Variants in PDIA3 observed in about 807,000 individuals in gnomAD.
The protein encoded by PDIA3 is protein disulfide-isomerase A3.
Under a neutral mutation model 56.9 loss-of-function variants are expected in PDIA3, and 16 were observed. The observed-to-expected ratio is 0.28, with a 90% CI of 0.19 to 0.43. The LOEUF is 0.43. Among genes scored for constraint, PDIA3 ranks in the 20% least tolerant of loss-of-function variants. The pLI is 1.00. For synonymous variants in PDIA3, 192 were observed against 216.5 expected (o/e 0.89, Z 0.99); for missense variants, 485 against 621.3 (o/e 0.78, Z 2.33).
chr15:43,749,657 G>A (rs931716265), intron 1 of PDIA3, among the ~76,000 whole-genome samples: 1 of 152,090 alleles, frequency 6.6e-6, no homozygotes, highest in Admixed American at 6.6e-5. Context: ...GCTGGACGTG[G>A]TGGCGCACAT....
At chr15:43,748,756 TG>T (rs915128468) in intron 1 of PDIA3, among the ~76,000 whole-genome samples, 11 of 145,874 alleles carry the variant, frequency 7.5e-5, no homozygotes, top group African/African-American at 2.6e-4. Context: ...ACATTTTTTT[TG>T]TGTGTGTGTT....
chr15:43,746,885 T>C (rs1596016082), intron 1 of PDIA3, 179 bp downstream of exon 1: 1 of 680,340 alleles, frequency 1.5e-6, no homozygotes, highest in East Asian at 2.8e-5. Flanking sequence ...GGGGAGTCGG[T>C]GCTGATCGGC....
chr15:43,770,495 T>G, intron 11 of PDIA3, 28 bp from the exon 12 acceptor site: 1 of 1,581,390 alleles, frequency 6.3e-7, no homozygotes, highest in Non-Finnish European at 8.7e-7. Flanking sequence ...CATAACTGCT[T>G]GAAATTAATA....
At chr15:43,768,997 C>T (rs2086865451) in intron 9 of PDIA3, among the ~76,000 whole-genome samples, 1 of 151,006 alleles carries the variant, frequency 6.6e-6, no homozygotes, top group Admixed American at 6.6e-5. Flanking sequence ...GCACTCCAGC[C>T]TGGGCGACAA....
chr15:43,768,777 A>G (rs569887694), intron 9 of PDIA3, among the ~76,000 whole-genome samples, 180 bp downstream of exon 9: 7 of 151,992 alleles, frequency 4.6e-5, no homozygotes, highest in African/African-American at 1.7e-4. Context: ...TAATCCCAGC[A>G]CTTTGGGAGG....
intron 8 of PDIA3, among the ~76,000 whole-genome samples, chr15:43,767,531 A>AC (rs534044239): frequency 1.3e-5 from 2 of 151,976 alleles, no homozygotes; most frequent in South Asian, 4.1e-4. Context: ...TAATCCCAGC[A>AC]CTTTGGGAGG....
chr15:43,768,752 G>A (rs1332004908), intron 9 of PDIA3, among the ~76,000 whole-genome samples, 155 bp downstream of exon 9: 2 of 151,598 alleles, frequency 1.3e-5, no homozygotes, highest in African/African-American at 2.4e-5. Flanking sequence ...CAGGCCAAGC[G>A]GTGGCTCATG....
At position 43,771,253 on chromosome 15, in the gene PDIA3, T is replaced by G; in HGVS notation, c.*35T>G. 3 of 1,366,808 alleles carry G rather than the reference T, an allele frequency of 2.2e-6. No homozygotes were observed. Among genetic ancestry groups the G allele is most frequent in the Non-Finnish European group, 3.1e-6 (3 of 962,540 alleles). 84.7% of individuals were successfully genotyped at this position (1,366,808 alleles called of 1,614,324 possible). A position where few individuals can be genotyped will look rare whatever the true frequency, so the allele number is the denominator to read the frequency against. On this transcript the variant is annotated 3_prime_UTR_variant, in exon 13 of 13. Coordinates refer to ENST00000300289, the MANE Select transcript of PDIA3 (RefSeq NM_005313.5). ...CAAACACCACTTTGTAAAAGGACTCTTCCATCAGAGATGGGAAAACCATTG... is the reference window on the plus strand; with the variant it reads ...CAAACACCACTTTGTAAAAGGACTCGTCCATCAGAGATGGGAAAACCATTG...
At chr15:43,754,561 A>T (rs2086765194) in intron 2 of PDIA3, among the ~76,000 whole-genome samples, 1 of 151,936 alleles carries the variant, frequency 6.6e-6, no homozygotes, top group South Asian at 2.1e-4. Context: ...CCTCATCTCT[A>T]CAAAAAATTT....
chr15:43,758,037 G>A (rs930162507), intron 3 of PDIA3, among the ~76,000 whole-genome samples: 2 of 151,702 alleles, frequency 1.3e-5, no homozygotes, highest in Non-Finnish European at 2.9e-5. Context: ...TCGGGAGTTC[G>A]AGACCAGCCT....
chr15:43,761,315 A>G, intron 3 of PDIA3, 109 bp from the exon 4 acceptor site: 1 of 532,432 alleles, frequency 1.9e-6, no homozygotes, highest in East Asian at 3.1e-5. Context: ...TGGCAAGAAG[A>G]TTTCATCTTA....
At chr15:43,752,794 A>G (rs779032734) in intron 1 of PDIA3, 2 of 471,064 alleles carry the variant, frequency 4.2e-6, no homozygotes, top group South Asian at 1.5e-5. Flanking sequence ...TTTGCTGTCT[A>G]CGGGAAGGTT....
At chr15:43,767,292 C>A (rs1023366443) in intron 8 of PDIA3, among the ~76,000 whole-genome samples, 4 of 152,040 alleles carry the variant, frequency 2.6e-5, no homozygotes, top group Non-Finnish European at 5.9e-5. Context: ...GCGGAGGTTG[C>A]GGTGAACCAG....
Position 43,771,282 on chromosome 15 carries a change from A to C in PDIA3, c.*64A>C. 4 of 986,772 alleles carry C rather than the reference A, an allele frequency of 4.1e-6. No homozygotes were observed. Among genetic ancestry groups the C allele is most frequent in the Non-Finnish European group, 6.3e-6 (4 of 630,886 alleles). 61.1% of individuals were successfully genotyped at this position (986,772 alleles called of 1,614,324 possible). ...ATCAGAGATGGGAAAACCATTGGGG[A>C]GGACTAGGACCCATATGGGAATTAT... On this transcript the variant is annotated 3_prime_UTR_variant, in exon 13 of 13. Coordinates refer to ENST00000300289, the MANE Select transcript of PDIA3 (RefSeq NM_005313.5).
At chr15:43,768,273 C>T (rs946143255) in intron 8 of PDIA3, among the ~76,000 whole-genome samples, 1 of 152,184 alleles carries the variant, frequency 6.6e-6, no homozygotes, top group South Asian at 2.1e-4. Context: ...ACCAATGATT[C>T]TCCTTTCTCT....
chr15:43,765,714 A>T (rs1161312530), intron 6 of PDIA3, 148 bp downstream of exon 6: 1 of 847,068 alleles, frequency 1.2e-6, no homozygotes, highest in East Asian at 2.4e-5. Flanking sequence ...TAAAGCAGTA[A>T]TGTGTGGGTG....
chr15:43,751,886 A>C, intron 1 of PDIA3: 1 of 576,078 alleles, frequency 1.7e-6, no homozygotes, highest in Non-Finnish European at 2.7e-6. Flanking sequence ...ATGTTTGAAG[A>C]TAGTTGAAAC....
intron 3 of PDIA3, among the ~76,000 whole-genome samples, chr15:43,761,034 C>T (rs949736169): frequency 1.0e-4 from 15 of 150,592 alleles, no homozygotes; most frequent in Non-Finnish European, 1.9e-4. Flanking sequence ...GTCAGGAGAT[C>T]GAGACCATCC....
rs1195362894 is a variant in PDIA3 at position 43,770,301 on chromosome 15, G to A, written c.1318G>A (p.Asp440Asn). The A allele has an allele frequency of 7.4e-6, 12 of 1,613,998 alleles. No individual in the cohort carries two copies. Among genetic ancestry groups the A allele is most frequent in the African/African-American group, 4.0e-5 (3 of 74,936 alleles). The change falls in exon 11 of 13, where the codon GAT becomes AAT. Residue 440 changes from aspartate (D) to asparagine (N), a missense_variant. Asp to Asn is a conservative substitution (Grantham distance 23). Coordinates refer to ENST00000300289, the MANE Select transcript of PDIA3 (RefSeq NM_005313.5). Reference sequence around the variant, plus strand: ...AGCCAAGATGGATGCCACAGCCAATGATGTGCCTTCTCCATATGAAGTCAG... The same window carrying A: ...AGCCAAGATGGATGCCACAGCCAATAATGTGCCTTCTCCATATGAAGTCAG... ...VIAKMDATAN[D>N]VPSPYEVRGF...
Sources: allele counts gnomAD v4.1 joint callset (sites outside exome capture counted in the v4.1 genomes callset), GRCh38; gene constraint gnomAD v4.1.1; transcripts MANE v1.5; gene names NCBI Gene and HGNC (gene_info 2026-07-23, HGNC 2026-07-21).